Variants in CIB4 observed in about 807,000 individuals in gnomAD.
CIB4 encodes the protein calcium and integrin binding family member 4.
A neutral mutation model predicts 25.8 loss-of-function variants in CIB4; 25 were observed. The ratio of observed to expected loss-of-function variants is 0.97; its 90% confidence interval spans 0.71 to 1.35. The LOEUF is 1.35. Ranked by LOEUF, CIB4 falls within the 40% of genes most tolerant of loss-of-function variation. The probability of loss-of-function intolerance (pLI) is 0.00; values close to 1 mark genes in which losing one functional copy is unlikely to be tolerated. For missense variants in CIB4, 235 were observed against 228.2 expected (o/e 1.03, Z -0.19); for synonymous variants, 75 against 81.4 (o/e 0.92, Z 0.42).
intron 3 of CIB4, among the ~76,000 whole-genome samples, chr2:26,620,023 C>A (rs189939166): frequency 4.0e-5 from 6 of 150,344 alleles, no homozygotes; most frequent in Admixed American, 2.6e-4. Context: ...CCTACAGACT[C>A]TGCGACTGAG....
intron 3 of CIB4, among the ~76,000 whole-genome samples, chr2:26,625,236 G>C (rs1048009940): frequency 6.6e-6 from 1 of 152,146 alleles, no homozygotes; most frequent in Non-Finnish European, 1.5e-5. Flanking sequence ...TTCCCTCTGT[G>C]CATAGCGCTG....
intron 3 of CIB4, among the ~76,000 whole-genome samples, chr2:26,619,384 T>C (rs757914032): frequency 4.0e-5 from 6 of 151,860 alleles, no homozygotes; most frequent in Non-Finnish European, 7.4e-5. Context: ...GAATGGAGAA[T>C]GGAAAAGGAA....
intron 3 of CIB4, among the ~76,000 whole-genome samples, chr2:26,595,897 G>GCGCA (rs1491112511): frequency 8.1e-4 from 26 of 32,148 alleles, no homozygotes; most frequent in African/African-American, 1.2e-3. Context: ...TTATCTGCGC[G>GCGCA]CACACACACA....
rs1558554950 is a variant in CIB4 at position 26,589,078 on chromosome 2, T to TTCTTCTTCTTCTTCTTCTTCTTCC, written c.329-5181_329-5180insGGAAGAAGAAGAAGAAGAAGAAGA. Among the ~76,000 whole-genome samples, 8 of 32,572 alleles carry TTCTTCTTCTTCTTCTTCTTCTTCC rather than the reference T, an allele frequency of 2.5e-4. 1 individual carries two copies. The East Asian group carries it at 3.6e-3, about 15-fold the overall frequency. 21.4% of individuals were successfully genotyped at this position (32,572 alleles called of 152,430 possible). On this transcript the variant is annotated intron_variant, in intron 4 of 6. Coordinates refer to ENST00000288861, the MANE Select transcript of CIB4 (RefSeq NM_001029881.3). ...CTTCTTCCTCTTCCTCTTCCTCTTC[T>TTCTTCTTCTTCTTCTTCTTCTTCC]TCTTCTTCTTCTTCTTCTTCTTCTT...
rs78819035 is a variant in CIB4 at position 26,628,216 on chromosome 2, C to A, written c.186+1194G>T. ...GTCCTTTATTGTGTGCCTCTAGGCT[C>A]TTCCAGGCTGCCCTGGGGGAAGGGC... On this transcript the variant is annotated intron_variant, in intron 3 of 6. Coordinates refer to ENST00000288861, the MANE Select transcript of CIB4 (RefSeq NM_001029881.3). Among the ~76,000 whole-genome samples, 222 of 152,166 alleles carry A rather than the reference C, an allele frequency of 1.5e-3. 1 individual carries two copies. Among genetic ancestry groups the A allele is most frequent in the African/African-American group, 5.0e-3 (207 of 41,488 alleles).
intron 3 of CIB4, among the ~76,000 whole-genome samples, chr2:26,620,124 G>A (rs888030889): frequency 6.9e-6 from 1 of 145,440 alleles, no homozygotes; most frequent in Non-Finnish European, 1.5e-5. Context: ...TGAGGAAGCA[G>A]GACCCTAAGC....
rs10665609 is a variant in CIB4 at position 26,617,147 on chromosome 2, T to TGTGTGTGTGTGTGTGTGTGTGC, written c.186+12262_186+12263insGCACACACACACACACACACAC. 3.0e-3 allele frequency among the ~76,000 whole-genome samples: 451 copies of TGTGTGTGTGTGTGTGTGTGTGC among 150,492 alleles called. 2 individuals are homozygous for TGTGTGTGTGTGTGTGTGTGTGC. Among genetic ancestry groups the TGTGTGTGTGTGTGTGTGTGTGC allele is most frequent in the African/African-American group, 0.011 (440 of 40,734 alleles). ...GTGTGTGTGTGTGTGTGTGTGTGTG[T>TGTGTGTGTGTGTGTGTGTGTGC]GCACGTGAGCGTGGGTGGGCATGAT... On this transcript the variant is annotated intron_variant, in intron 3 of 6. Coordinates refer to ENST00000288861, the MANE Select transcript of CIB4 (RefSeq NM_001029881.3).
chr2:26,598,710 G>C (rs1046689021), intron 3 of CIB4, among the ~76,000 whole-genome samples: 7 of 152,204 alleles, frequency 4.6e-5, no homozygotes, highest in African/African-American at 1.7e-4. Context: ...GTCCAACAAG[G>C]TGCAGCTTCC....
At chr2:26,591,904 C>T (rs1233009076) in intron 4 of CIB4, among the ~76,000 whole-genome samples, 3 of 152,226 alleles carry the variant, frequency 2.0e-5, no homozygotes, top group Non-Finnish European at 4.4e-5. Context: ...CTGCCAACAA[C>T]GTGGGCAAGC....
intron 3 of CIB4, among the ~76,000 whole-genome samples, chr2:26,617,303 C>T (rs998609381): frequency 3.3e-5 from 5 of 152,000 alleles, no homozygotes; most frequent in South Asian, 2.1e-4. Context: ...AAATTGAGGG[C>T]GAGATGAGGA....
intron 3 of CIB4, among the ~76,000 whole-genome samples, chr2:26,624,742 G>T: frequency 1.0e-5 from 1 of 97,976 alleles, no homozygotes; most frequent in African/African-American, 4.1e-5. Context: ...TGGGAGGGTG[G>T]GGGGCGGGGC....
intron 4 of CIB4, 87 bp downstream of exon 4, chr2:26,595,089 C>A (rs753057321): frequency 1.3e-5 from 17 of 1,317,076 alleles, no homozygotes; most frequent in Middle Eastern, 3.8e-4. Context: ...TAATGCCATC[C>A]ATCAATGAAC....
chr2:26,619,637 A>G (rs2044242), intron 3 of CIB4, among the ~76,000 whole-genome samples: 149,034 of 152,290 alleles, frequency 0.98, 73,017 homozygotes, highest in East Asian at 1. Context: ...ACAACAGCAG[A>G]TTCACAGTGA....
chr2:26,581,488 G>T, intron 6 of CIB4, 95 bp from the exon 7 acceptor site: 1 of 1,233,882 alleles, frequency 8.1e-7, no homozygotes, highest in Non-Finnish European at 1.2e-6. Flanking sequence ...TCCCTCCCCG[G>T]CCTGCATCTC....
At chr2:26,589,092 CTT>C (rs1491476305) in intron 4 of CIB4, among the ~76,000 whole-genome samples, 12 of 111,850 alleles carry the variant, frequency 1.1e-4, no homozygotes, top group African/African-American at 4.0e-4. Flanking sequence ...TCTTCTTCTT[CTT>C]CTTCTTCTTC....
intron 2 of CIB4, among the ~76,000 whole-genome samples, chr2:26,630,975 C>T (rs1669407839): frequency 6.6e-6 from 1 of 152,138 alleles, no homozygotes; most frequent in African/African-American, 2.4e-5. Context: ...TGGTCCCCTC[C>T]ATGCTCCAAA....
At chr2:26,608,212 C>A (rs113727611) in intron 3 of CIB4, among the ~76,000 whole-genome samples, 4 of 145,532 alleles carry the variant, frequency 2.7e-5, no homozygotes, top group African/African-American at 1.0e-4. Flanking sequence ...TGCACTCCAG[C>A]CTGGGCAACA....
intron 2 of CIB4, among the ~76,000 whole-genome samples, chr2:26,633,432 C>T (rs1214566416): frequency 6.6e-6 from 1 of 152,066 alleles, no homozygotes; most frequent in African/African-American, 2.4e-5. Context: ...GAACCCTAAA[C>T]CAAGTTCTTC....
chr2:26,601,245 T>C (rs1191394353), intron 3 of CIB4, among the ~76,000 whole-genome samples: 1 of 85,992 alleles, frequency 1.2e-5, no homozygotes, highest in Non-Finnish European at 2.5e-5. Context: ...TATATATATA[T>C]ATATATATAT....
Sources: gnomAD v4.1 joint callset for allele counts (sites outside exome capture counted in the v4.1 genomes callset) on GRCh38, gnomAD v4.1.1 for gene constraint, MANE v1.5 for transcripts, NCBI Gene and HGNC (gene_info 2026-07-23, HGNC 2026-07-21) for gene names.